The following PIK3CB variants were observed in gnomAD, a reference collection of about 807,000 sequenced individuals.
PIK3CB encodes phosphatidylinositol-4,5-bisphosphate 3-kinase catalytic subunit beta.
A neutral mutation model predicts 136.8 loss-of-function variants in PIK3CB; 39 were observed. That is an observed-to-expected ratio of 0.29 (90% CI 0.22 to 0.37). The LOEUF is 0.37. Ranked by LOEUF, PIK3CB falls within the 10% of genes least tolerant of loss-of-function variation. PIK3CB has a pLI of 1.00. For missense variants in PIK3CB, 868 were observed against 1,275.4 expected (o/e 0.68, Z 4.87); for synonymous variants, 428 against 436.6 (o/e 0.98, Z 0.25).
At chr3:138,757,726 A>AAGAGAGGGAGGGAGGG in intron 3 of PIK3CB, among the ~76,000 whole-genome samples, 1 of 137,842 alleles carries the variant, frequency 7.3e-6, no homozygotes, top group African/African-American at 2.7e-5. Flanking sequence ...GGGAGGGAGG[A>AAGAGAGGGAGGGAGGG]AGAGAGGGAG....
At chr3:138,685,939 C>T (rs2043882330) in intron 16 of PIK3CB, among the ~76,000 whole-genome samples, 2 of 152,070 alleles carry the variant, frequency 1.3e-5, no homozygotes, top group African/African-American at 4.8e-5. Context: ...GAGTTCAAGA[C>T]CAGCCTGGCC....
chr3:138,729,591 T>G (rs1412364153), intron 8 of PIK3CB, among the ~76,000 whole-genome samples: 3 of 152,038 alleles, frequency 2.0e-5, no homozygotes, highest in African/African-American at 7.2e-5. Context: ...GGACATTGGC[T>G]TTTTTCCCTG....
rs997283550 is a variant in PIK3CB, at chr3:138,716,466, T to C, written c.1051-1747A>G. Among the ~76,000 whole-genome samples the C allele has an allele frequency of 3.9e-5, 6 of 152,216 alleles. 1 individual carries two copies. Among genetic ancestry groups the C allele is most frequent in the Admixed American group, 6.5e-5 (1 of 15,272 alleles). On this transcript the variant is annotated intron_variant, in intron 8 of 23. Transcript: ENST00000674063. ...GACAATGGTACCAGCAGCTACTCAG[T>C]CACCTCTGTCTCCTACTTTCAATTC... is the stretch of plus-strand genomic sequence containing the variant.
chr3:138,718,900 T>TA (rs2044667336), intron 8 of PIK3CB, among the ~76,000 whole-genome samples: 1 of 152,218 alleles, frequency 6.6e-6, no homozygotes, highest in Non-Finnish European at 1.5e-5. Context: ...TCCATTGGTC[T>TA]ATATGCCTAT....
intron 8 of PIK3CB, among the ~76,000 whole-genome samples, chr3:138,731,488 A>G (rs1363061782): frequency 2.6e-5 from 4 of 151,342 alleles, no homozygotes; most frequent in Non-Finnish European, 4.4e-5. Flanking sequence ...CCTGGACTCA[A>G]ATGATCTGCC....
intron 11 of PIK3CB, among the ~76,000 whole-genome samples, chr3:138,705,677 TATAATATCA>T (rs1213567142): frequency 6.6e-6 from 1 of 152,178 alleles, no homozygotes; most frequent in African/African-American, 2.4e-5. Flanking sequence ...ATTTATAAAG[TATAATATCA>T]ATCTTCAAAG....
chr3:138,827,470 A>G (rs1933832296), intron 1 of PIK3CB, among the ~76,000 whole-genome samples: 1 of 152,118 alleles, frequency 6.6e-6, no homozygotes, highest in South Asian at 2.1e-4. Flanking sequence ...AGCCTGGGCA[A>G]CATAGCAAGA....
intron 2 of PIK3CB, among the ~76,000 whole-genome samples, chr3:138,787,802 C>T (rs1343533832): frequency 6.6e-6 from 1 of 151,152 alleles, no homozygotes; most frequent in Non-Finnish European, 1.5e-5. Flanking sequence ...TTCATGACTA[C>T]ACACAGCCAA....
intron 20 of PIK3CB, 56 bp downstream of exon 20, chr3:138,664,980 C>A: frequency 8.4e-7 from 1 of 1,187,108 alleles, no homozygotes; most frequent in South Asian, 1.6e-5. Flanking sequence ...TGGGAGCATA[C>A]AGTATTTGTT....
chr3:138,754,685 T>G (rs2045532917), intron 4 of PIK3CB, among the ~76,000 whole-genome samples: 1 of 152,186 alleles, frequency 6.6e-6, no homozygotes, highest in African/African-American at 2.4e-5. Flanking sequence ...CTTAGTAAAC[T>G]AACAAGGTTC....
At chr3:138,736,939 AT>A (rs1416400427) in intron 6 of PIK3CB, among the ~76,000 whole-genome samples, 3 of 152,280 alleles carry the variant, frequency 2.0e-5, no homozygotes, top group African/African-American at 7.2e-5. Context: ...TTTTTATACA[AT>A]TCAATGGATG....
chr3:138,697,642 A>C (rs2044166494), intron 13 of PIK3CB, among the ~76,000 whole-genome samples: 1 of 152,110 alleles, frequency 6.6e-6, no homozygotes, highest in African/African-American at 2.4e-5. Flanking sequence ...CATGTTGCCC[A>C]GGCTGGTCTT....
chr3:138,742,472 CGACA>C (rs1559855430), intron 5 of PIK3CB, 82 bp downstream of exon 5: 2 of 653,830 alleles, frequency 3.1e-6, no homozygotes, highest in Non-Finnish European at 5.4e-6. Context: ...GCTAGGCAAG[CGACA>C]GACACTTCTA....
At chr3:138,696,073 T>C (rs1221140787) in intron 13 of PIK3CB, among the ~76,000 whole-genome samples, 4 of 151,560 alleles carry the variant, frequency 2.6e-5, no homozygotes, top group African/African-American at 4.8e-5. Flanking sequence ...TCAGCATAAA[T>C]TGTTAACTTA....
At chr3:138,702,996 A>G (rs1419699619) in intron 12 of PIK3CB, among the ~76,000 whole-genome samples, 2 of 152,184 alleles carry the variant, frequency 1.3e-5, no homozygotes, top group Non-Finnish European at 2.9e-5. Context: ...TAAAATTTGC[A>G]CAATGTTTAC....
intron 16 of PIK3CB, among the ~76,000 whole-genome samples, chr3:138,687,642 G>A (rs1369751138): frequency 2.0e-5 from 3 of 152,016 alleles, no homozygotes; most frequent in Non-Finnish European, 4.4e-5. Flanking sequence ...TTTTTCTAGA[G>A]ATGGGTCTCA....
chr3:138,817,667 G>C (rs1234594646), intron 1 of PIK3CB, among the ~76,000 whole-genome samples: 1 of 152,156 alleles, frequency 6.6e-6, no homozygotes, highest in Non-Finnish European at 1.5e-5. Context: ...GTAGGCTGAT[G>C]GCCCAATTCA....
intron 14 of PIK3CB, among the ~76,000 whole-genome samples, chr3:138,694,182 C>G (rs970357769): frequency 1.9e-4 from 28 of 151,236 alleles, no homozygotes; most frequent in African/African-American, 5.8e-4. Flanking sequence ...ATAAGAGTGG[C>G]TCACTGCACC....
intron 21 of PIK3CB, 74 bp downstream of exon 21, chr3:138,663,832 T>C (rs1004309772): frequency 1.4e-6 from 2 of 1,453,380 alleles, no homozygotes; most frequent in South Asian, 1.3e-5. Flanking sequence ...TCTGGCTGAG[T>C]TGCACAAGAG....
Sources: allele counts gnomAD v4.1 joint callset (sites outside exome capture counted in the v4.1 genomes callset), GRCh38; gene constraint gnomAD v4.1.1; transcripts MANE v1.5; gene names NCBI Gene and HGNC (gene_info 2026-07-23, HGNC 2026-07-21).